The following STAG2 variants were observed in gnomAD, a reference collection of about 807,000 sequenced individuals.
STAG2 encodes STAG2 cohesin complex component.
Under a neutral mutation model 108.1 loss-of-function variants are expected in STAG2, and 14 were observed. The ratio of observed to expected loss-of-function variants is 0.13; its 90% CI spans 0.09 to 0.20. The LOEUF (loss-of-function observed/expected upper bound fraction) is 0.20, where lower values mean the gene tolerates loss of function less well. STAG2 is among the 10% of genes least tolerant of loss of function. STAG2 has a pLI of 1.00. For missense variants in STAG2, 440 were observed against 940.9 expected (o/e 0.47, Z 6.96); for synonymous variants, 307 against 302.7 (o/e 1.01, Z -0.15).
intron 29 of STAG2, among the ~76,000 whole-genome samples, chrX:124,084,299 G>A (rs2059040079): frequency 9.0e-6 from 1 of 110,617 alleles, no homozygotes. Context: ...TAGTGTTGGA[G>A]AGTTTGAATG....
chrX:124,017,774 T>G (rs2056782939), intron 1 of STAG2, among the ~76,000 whole-genome samples: 1 of 111,697 alleles, frequency 9.0e-6, no homozygotes, highest in Non-Finnish European at 1.9e-5. Flanking sequence ...AAACTTTGAG[T>G]AACAGCCCAT....
At chrX:124,031,536 TTTG>T (rs2057335159) in intron 5 of STAG2, among the ~76,000 whole-genome samples, 7 of 86,292 alleles carry the variant, frequency 8.1e-5, no homozygotes, top group Admixed American at 1.4e-4. Flanking sequence ...GTGTTTTTTG[TTTG>T]TTTGTTTGTT....
intron 1 of STAG2, among the ~76,000 whole-genome samples, chrX:123,986,193 ATATG>A (rs1346412696): frequency 9.3e-6 from 1 of 107,416 alleles, no homozygotes; most frequent in Non-Finnish European, 1.9e-5. Context: ...GATATATAAT[ATATG>A]TATATATGTG....
chrX:123,966,838 G>A (rs1181385602), intron 1 of STAG2, among the ~76,000 whole-genome samples: 2 of 111,870 alleles, frequency 1.8e-5, no homozygotes, highest in African/African-American at 3.3e-5. Flanking sequence ...CTCACCAGTA[G>A]ACACCAAGAA....
intron 3 of STAG2, among the ~76,000 whole-genome samples, chrX:124,023,398 AT>A (rs1187131636): frequency 9.0e-6 from 1 of 111,159 alleles, no homozygotes; most frequent in Non-Finnish European, 1.9e-5. Flanking sequence ...CAACAGACTA[AT>A]ACCTTTGTAC....
chrX:124,025,161 A>G (rs1038796866), intron 3 of STAG2, among the ~76,000 whole-genome samples: 4 of 111,178 alleles, frequency 3.6e-5, no homozygotes, highest in Non-Finnish European at 7.6e-5. Context: ...CGTATATATT[A>G]TTTATAGATG....
intron 30 of STAG2, among the ~76,000 whole-genome samples, chrX:124,088,924 T>TC (rs1274717399): frequency 7.3e-5 from 7 of 95,800 alleles, no homozygotes; most frequent in African/African-American, 2.7e-4. Flanking sequence ...TTTTTTTTTT[T>TC]TTTTCTTTTG....
intron 1 of STAG2, among the ~76,000 whole-genome samples, chrX:124,001,514 G>C (rs2056040998): frequency 8.9e-6 from 1 of 111,900 alleles, no homozygotes; most frequent in African/African-American, 3.2e-5. Flanking sequence ...CTCACTCAGA[G>C]CAACTTTCAG....
intron 21 of STAG2, 33 bp from the exon 22 acceptor site, chrX:124,066,142 A>C (rs2058518638): frequency 1.3e-6 from 1 of 772,663 alleles, no homozygotes; most frequent in Non-Finnish European, 1.7e-6. Context: ...AATAAAACTT[A>C]ATTTTTTTTT....
chrX:124,001,304 A>C (rs1327870225), intron 1 of STAG2, among the ~76,000 whole-genome samples: 1 of 111,212 alleles, frequency 9.0e-6, no homozygotes, highest in Non-Finnish European at 1.9e-5. Context: ...GTTAGCCAGG[A>C]TGGTCTTGAT....
In STAG2 at chrX:124,101,781, T is replaced by G. The variant is rs1374728138; in HGVS notation, c.*1184T>G. On this transcript the variant is annotated 3_prime_UTR_variant, in exon 35 of 35. Coordinates refer to ENST00000371145, the MANE Select transcript of STAG2 (RefSeq NM_001042750.2). Reference sequence around the variant, plus strand: ...GGATAATAGAATTCATAACCCATAATATTCTTTGAAAGCTAAGCTTTAAAC... The same window carrying G: ...GGATAATAGAATTCATAACCCATAAGATTCTTTGAAAGCTAAGCTTTAAAC... 1 of 161,032 alleles carries G rather than the reference T, an allele frequency of 6.2e-6. No individual in the cohort carries two copies. Among genetic ancestry groups the G allele is most frequent in the Non-Finnish European group, 1.2e-5 (1 of 83,052 alleles). The allele number at this position is 161,032 out of a possible 1,213,427, so 13.3% of individuals were successfully genotyped here. A position where few individuals can be genotyped will look rare whatever the true frequency, so the allele number is the denominator to read the frequency against.
chrX:124,066,053 G>C (rs2148339185), intron 21 of STAG2, 107 bp downstream of exon 21: 1 of 930,046 alleles, frequency 1.1e-6, no homozygotes, highest in Non-Finnish European at 1.4e-6. Flanking sequence ...TCGTTGTGGG[G>C]GCATTTTAAA....
chrX:124,025,853 C>T lies in STAG2; in HGVS notation c.58C>T (p.His20Tyr). Residue 20 changes from histidine (H) to tyrosine (Y), a missense_variant, in exon 4 of 35, where the codon CAT becomes TAT. His to Tyr is a moderately conservative substitution (Grantham distance 83, BLOSUM62 2). Transcript: ENST00000371145. Reference sequence around the variant, plus strand: ...TTTCTGTCACAGGGAGTCAGAAACACATTTTTCTTCTGACACAGATTTTGA... The same window carrying T: ...TTTCTGTCACAGGGAGTCAGAAACATATTTTTCTTCTGACACAGATTTTGA... ...DFNLLQESET[H>Y]FSSDTDFEDI... 1 of 1,183,685 alleles carries T rather than the reference C, an allele frequency of 8.4e-7. No homozygotes were observed. The highest frequency in any genetic ancestry group is 1.1e-6 in the Non-Finnish European group (1 of 879,366).
chrX:124,048,922 T>G, intron 9 of STAG2, 83 bp from the exon 10 acceptor site: 3 of 772,988 alleles, frequency 3.9e-6, no homozygotes, highest in Admixed American at 5.6e-5. Context: ...GAATTCTGCT[T>G]TTTTTGTGCT....
chrX:124,054,315 G>A (rs2058130208), intron 13 of STAG2, among the ~76,000 whole-genome samples: 1 of 112,061 alleles, frequency 8.9e-6, no homozygotes, highest in Non-Finnish European at 1.9e-5. Context: ...CAGTGAGATG[G>A]TAGTGGCTAT....
chrX:124,058,486 A>G (rs1043428604), intron 15 of STAG2, among the ~76,000 whole-genome samples: 3 of 112,371 alleles, frequency 2.7e-5, no homozygotes, highest in African/African-American at 9.7e-5. Flanking sequence ...AAACAGTAGG[A>G]TTTATGTATA....
At chrX:124,097,179 C>CAAAAAAAAAAAAA (rs56942682) in intron 34 of STAG2, among the ~76,000 whole-genome samples, 7 of 38,206 alleles carry the variant, frequency 1.8e-4, no homozygotes, top group African/African-American at 8.7e-4. Context: ...GACCCTGTCT[C>CAAAAAAAAAAAAA]AAAAAAAAAA....
At chrX:123,999,536 G>A (rs2055922862) in intron 1 of STAG2, among the ~76,000 whole-genome samples, 2 of 111,268 alleles carry the variant, frequency 1.8e-5, no homozygotes, top group Admixed American at 1.9e-4. Flanking sequence ...CTCCCAACTT[G>A]TGGGTTCAAG....
chrX:124,000,383 A>G (rs2055973929), intron 1 of STAG2, among the ~76,000 whole-genome samples: 1 of 111,626 alleles, frequency 9.0e-6, no homozygotes, highest in South Asian at 3.7e-4. Flanking sequence ...CTTATAACAA[A>G]TTGTGGCCAG....
Sources: gnomAD v4.1 joint callset for allele counts (sites outside exome capture counted in the v4.1 genomes callset) on GRCh38, gnomAD v4.1.1 for gene constraint, MANE v1.5 for transcripts, NCBI Gene and HGNC (gene_info 2026-07-23, HGNC 2026-07-21) for gene names.